SKIDA1: variants seen among roughly 807,000 people sequenced by gnomAD.
SKIDA1 encodes the protein SKI/DACH domain-containing protein 1.
SKIDA1 carries 18 observed loss-of-function variants against 51.4 expected under a neutral mutation model. The ratio of observed to expected loss-of-function variants is 0.35; its 90% CI spans 0.24 to 0.52. The LOEUF is 0.52. SKIDA1 is among the 20% of genes least tolerant of loss of function. The pLI is 0.95. For synonymous variants in SKIDA1, 579 were observed against 500.5 expected (o/e 1.16, Z -2.09); for missense variants, 1,104 against 1,180.6 (o/e 0.94, Z 0.95).
rs2032097306 is a variant in SKIDA1 at position 21,513,576 on chromosome 10, A to T, written c.*1520T>A. On this transcript the variant is annotated 3_prime_UTR_variant, in exon 4 of 4. Coordinates refer to ENST00000449193, the MANE Select transcript of SKIDA1 (RefSeq NM_207371.4). ...TTTACTGCTTCCATCATCACAACAC[A>T]GTACACCAGCATGGCCCTTACCCAG... 6.6e-6 allele frequency: 1 copy of T among 152,658 alleles called. No individual in the cohort carries two copies. Among genetic ancestry groups the T allele is most frequent in the Non-Finnish European group, 1.5e-5 (1 of 68,044 alleles). 9.5% of individuals were successfully genotyped at this position (152,658 alleles called of 1,614,324 possible).
In SKIDA1 at chr10:21,515,719, G is replaced by C; in HGVS notation, c.2104C>G (p.Leu702Val). The change falls in exon 4 of 4, where the codon CTT (leucine) becomes GTT (valine). Residue 702 changes from leucine to valine, a missense_variant. Leu to Val is a conservative substitution (Grantham distance 32). Transcript: ENST00000449193. ...TCGCACTTTAGCTTATTTGTAAAAA[G>C]GTGAGGTTCATATTCTTCATTAGCA... ...SSANEEYEPH[L>V]FTNKLKCECN... 6.2e-7 allele frequency: 1 copy of C among 1,613,976 alleles called. No individual in the cohort carries two copies. Among genetic ancestry groups the C allele is most frequent in the Non-Finnish European group, 8.5e-7 (1 of 1,179,894 alleles).
intron 1 of SKIDA1, among the ~76,000 whole-genome samples, chr10:21,525,201 C>G (rs2032656842): frequency 1.3e-5 from 2 of 151,904 alleles, no homozygotes; most frequent in Non-Finnish European, 2.9e-5. Flanking sequence ...CTATTTAGGT[C>G]GAAAAATGAT....
Position 21,515,705 on chromosome 10 carries a change from C to T in SKIDA1, c.2118G>A (p.Lys706=). ...TTGTATCATTGCACTCGCACTTTAG[C>T]TTATTTGTAAAAAGGTGAGGTTCAT... The part of the protein sequence containing the change: ...EEYEPHLFTN[K]LKCECNDTKG... The change falls in exon 4 of 4, where the codon AAG becomes AAA. Residue 706 remains lysine, a synonymous_variant. Transcript: ENST00000449193. The T allele has an allele frequency of 9.3e-6, 15 of 1,614,040 alleles. No homozygotes were observed. Among genetic ancestry groups the T allele is most frequent in the Non-Finnish European group, 1.2e-5 (14 of 1,179,896 alleles).
chr10:21,525,397 G>A (rs1394824614), intron 1 of SKIDA1, 150 bp downstream of exon 1: 1 of 152,232 alleles, frequency 6.6e-6, no homozygotes, highest in African/African-American at 2.4e-5. Context: ...GGCTGAATAA[G>A]TGACCAAGTG....
At chr10:21,522,269 C>T (rs112632384) in intron 2 of SKIDA1, among the ~76,000 whole-genome samples, 2 of 9,718 alleles carry the variant, frequency 2.1e-4, no homozygotes, top group Non-Finnish European at 5.6e-4. Flanking sequence ...CACAGCCACC[C>T]CCCCCCCCCC....
intron 2 of SKIDA1, among the ~76,000 whole-genome samples, chr10:21,522,373 T>G (rs1057063767): frequency 7.1e-6 from 1 of 140,794 alleles, no homozygotes. Flanking sequence ...CAGAAAAGAG[T>G]AAGGAACATC....
rs765598465 is a variant in SKIDA1 at position 21,516,302 on chromosome 10, G to A, written c.1521C>T (p.Asp507=). The A allele has an allele frequency of 6.2e-7, 1 of 1,613,722 alleles. No individual in the cohort carries two copies. The highest frequency in any genetic ancestry group is 8.5e-7 in the Non-Finnish European group (1 of 1,179,912). The change falls in exon 4 of 4, where the codon GAC becomes GAT. Residue 507 remains aspartate (D), a synonymous_variant. Coordinates refer to ENST00000449193, the MANE Select transcript of SKIDA1 (RefSeq NM_207371.4). The surrounding 1 kb of genome is among the most constrained non-coding windows in gnomAD (Gnocchi z 5.7). ...ACTCCGCTTTGACACTACTCTTGAG[G>A]TCGGGAAGTCTGCCGGCATCCTCGA... ...AAFEDAGRLP[D]LKSSVKAESP... is the part of the protein sequence containing the mutation.
At chr10:21,521,919 T>C (rs1261837656) in intron 2 of SKIDA1, among the ~76,000 whole-genome samples, 1 of 152,256 alleles carries the variant, frequency 6.6e-6, no homozygotes, top group Non-Finnish European at 1.5e-5. Flanking sequence ...ACTTATCCCA[T>C]ATGAATGTGC....
chr10:21,523,308 C>T (rs992709802), intron 2 of SKIDA1, among the ~76,000 whole-genome samples: 4 of 152,186 alleles, frequency 2.6e-5, no homozygotes, highest in African/African-American at 7.2e-5. Flanking sequence ...GTTTAAAGGA[C>T]ACCATAATTA....
rs980141562 is a variant in SKIDA1, at chr10:21,517,038, C to G, written c.785G>C (p.Gly262Ala). 5.8e-6 allele frequency: 6 copies of G among 1,026,222 alleles called. No homozygotes were observed. In the Admixed American group the frequency reaches 1.8e-4, roughly 30 times the overall value. The allele number at this position is 1,026,222 out of a possible 1,614,324, so 63.6% of individuals were successfully genotyped here. Residue 262 changes from glycine to alanine, a missense_variant, in exon 4 of 4, where the codon GGA (glycine) becomes GCA (alanine). By Grantham distance (60) the Gly-to-Ala change is moderately conservative. Transcript: ENST00000449193. The surrounding 1 kb of genome is among the most constrained non-coding windows in gnomAD (Gnocchi z 6.9). Reference protein sequence around the residue: ...GPQPKAAAGAGGPGSLSYRCK... With the variant: ...GPQPKAAAGAAGPGSLSYRCK... ...GCGGTAGCTCAGGCTCCCCGGGCCT[C>G]CGGCGCCCGCCGCTGCCTTGGGCTG... is the stretch of plus-strand genomic sequence containing the variant.
rs1400073347 is a variant in SKIDA1 at position 21,516,652 on chromosome 10, G to T, written c.1171C>A (p.His391Asn). Residue 391 changes from histidine (H) to asparagine (N), a missense_variant, in exon 4 of 4, where the codon CAC becomes AAC. Physicochemically the swap from His to Asn is moderately conservative, Grantham distance 68. This residue lies in a region of SKIDA1 where 938 missense variants were observed against 886.4 expected (regional missense o/e 1.06). Coordinates refer to ENST00000449193, the MANE Select transcript of SKIDA1 (RefSeq NM_207371.4). The surrounding 1 kb of genome is among the most constrained non-coding windows in gnomAD (Gnocchi z 5.7). Reference sequence around the variant, plus strand: ...CCAAAATCCGAGTCGTTGGCCGCGTGGTCCGAGTAGGAGCTGGACTCGGAG... The same window carrying T: ...CCAAAATCCGAGTCGTTGGCCGCGTTGTCCGAGTAGGAGCTGGACTCGGAG... ...SDSESSSYSD[H>N]AANDSDFGSS... 8 of 1,551,622 alleles carry T rather than the reference G, an allele frequency of 5.2e-6. No homozygotes were observed. Among genetic ancestry groups the T allele is most frequent in the Admixed American group, 3.9e-5 (2 of 50,980 alleles).
rs1261995853 is a variant in SKIDA1, at chr10:21,517,101, G to A, written c.722C>T (p.Ala241Val). 3.8e-5 allele frequency: 38 copies of A among 1,002,504 alleles called. No homozygotes were observed. Among genetic ancestry groups the A allele is most frequent in the South Asian group, 4.5e-5 (1 of 22,180 alleles). The allele number at this position is 1,002,504 out of a possible 1,614,324, so 62.1% of individuals were successfully genotyped here. ...AAAAAAAAAA[A>V]AAAYYQVSAA... ...CGATACCTGGTAATAGGCGGCGGCGGCGGCGGCGGCGGCGGCGGCAGCAGC... is the reference window on the plus strand; with the variant it reads ...CGATACCTGGTAATAGGCGGCGGCGACGGCGGCGGCGGCGGCGGCAGCAGC... The change falls in exon 4 of 4, where the codon GCC becomes GTC. Residue 241 changes from alanine (A) to valine (V), a missense_variant. This residue lies in a region of SKIDA1 where 938 missense variants were observed against 886.4 expected (regional missense o/e 1.06). Coordinates refer to ENST00000449193, the MANE Select transcript of SKIDA1 (RefSeq NM_207371.4). The surrounding 1 kb of genome is among the most constrained non-coding windows in gnomAD (Gnocchi z 6.9).
intron 2 of SKIDA1, among the ~76,000 whole-genome samples, chr10:21,523,172 G>T (rs2032471399): frequency 6.6e-6 from 1 of 151,668 alleles, no homozygotes; most frequent in African/African-American, 2.4e-5. Flanking sequence ...CATCTCAAGG[G>T]CTGTGGGGGA....
In SKIDA1 at chr10:21,518,590, A is replaced by AT. The variant is rs1252207788; in HGVS notation, c.-769dup. 1.2e-5 allele frequency: 2 copies of AT among 166,438 alleles called. No homozygotes were observed. Among genetic ancestry groups the AT allele is most frequent in the African/African-American group, 4.8e-5 (2 of 41,276 alleles). 10.3% of individuals were successfully genotyped at this position (166,438 alleles called of 1,614,324 possible). ...ATTCGCCTTTAAAGAAATACTGCCT[A>AT]TTTTTTTCGTTTATTTGCATTTTAC... On this transcript the variant is annotated 5_prime_UTR_variant, in exon 4 of 4. The change creates a premature stop within an existing upstream ORF in the 5' untranslated region. Transcript: ENST00000449193.
At position 21,517,221 on chromosome 10, in the gene SKIDA1, TG is replaced by T; in HGVS notation, c.601del (p.Gln201ArgfsTer67). On this transcript the variant is annotated frameshift_variant, in exon 4 of 4. Coordinates refer to ENST00000449193, the MANE Select transcript of SKIDA1 (RefSeq NM_207371.4). LOFTEE classifies it high-confidence loss of function. The surrounding 1 kb of genome is among the most constrained non-coding windows in gnomAD (Gnocchi z 6.9). ...CGAGGGGAAGGCGACGTAGTTTCCCTGGAGCGGGGCAGTTTCATAGTTTAGA... is the reference window on the plus strand; with the variant it reads ...CGAGGGGAAGGCGACGTAGTTTCCCTGAGCGGGGCAGTTTCATAGTTTAGA... Reference protein sequence around the residue: ...PPLNYETAPLQGNYVAFPSDP... With the variant: ...PPLNYETAPLXGNYVAFPSDP... The T allele has an allele frequency of 6.9e-7, 1 of 1,458,802 alleles. No individual in the cohort carries two copies. Among genetic ancestry groups the T allele is most frequent in the Non-Finnish European group, 9.1e-7 (1 of 1,100,214 alleles). The allele number at this position is 1,458,802 out of a possible 1,614,324, so 90.4% of individuals were successfully genotyped here.
chr10:21,522,523 A>G (rs1385439554), intron 2 of SKIDA1, among the ~76,000 whole-genome samples: 1 of 152,220 alleles, frequency 6.6e-6, no homozygotes, highest in Non-Finnish European at 1.5e-5. Flanking sequence ...AGTTGAGGAT[A>G]TAAGACAATA....
chr10:21,516,357 G>A lies in SKIDA1; in HGVS notation c.1466C>T (p.Ser489Phe). Residue 489 changes from serine (S) to phenylalanine (F), a missense_variant, in exon 4 of 4, where the codon TCC becomes TTC. By Grantham distance (155) the Ser-to-Phe change is radical (BLOSUM62 -2). This residue lies in a region of SKIDA1 where 938 missense variants were observed against 886.4 expected (regional missense o/e 1.06). Coordinates refer to ENST00000449193, the MANE Select transcript of SKIDA1 (RefSeq NM_207371.4). This position sits in a 1 kb window ranked among gnomAD's most constrained non-coding sequence, Gnocchi z 5.7. ...AGCGGGTTTGGTTGCAGCGGCGGCG[G>A]AGGCCAGATGGTACAAGAAGTTGGC... is the stretch of plus-strand genomic sequence containing the variant. ...AQANFLYHLA[S>F]AAAATKPAAF... 8 of 1,613,440 alleles carry A rather than the reference G, an allele frequency of 5.0e-6. No homozygotes were observed. Among genetic ancestry groups the A allele is most frequent in the South Asian group, 1.1e-5 (1 of 91,086 alleles).
chr10:21,516,890 TGCCGCCGCCGCCGCCGCCGCCGCC>T lies in SKIDA1; in HGVS notation c.909_932del (p.Ala311_Ala318del). On this transcript the variant is annotated inframe_deletion, in exon 4 of 4. Coordinates refer to ENST00000449193, the MANE Select transcript of SKIDA1 (RefSeq NM_207371.4). This position sits in a 1 kb window ranked among gnomAD's most constrained non-coding sequence, Gnocchi z 5.7. The stretch of plus-strand genomic sequence containing the variant: ...CCCCCGCGGCGGCCGCCGCCGCCGC[TGCCGCCGCCGCCGCCGCCGCCGCC>T]GCCTTGGCTTTGTAGGACCTGGGCA... 1 of 1,195,488 alleles carries T rather than the reference TGCCGCCGCCGCCGCCGCCGCCGCC, an allele frequency of 8.4e-7. No individual in the cohort carries two copies. The allele number at this position is 1,195,488 out of a possible 1,614,324, so 74.1% of individuals were successfully genotyped here.
chr10:21,515,551 A>G lies in SKIDA1; in HGVS notation c.2272T>C (p.Ser758Pro). Residue 758 changes from serine (S) to proline (P), a missense_variant, in exon 4 of 4, where the codon TCA becomes CCA. Physicochemically the swap from Ser to Pro is moderately conservative, Grantham distance 74 (BLOSUM62 -1). Around this residue, in one of 3 missense-constraint regions of SKIDA1, gnomAD observed 938 missense variants for 886.4 expected, o/e 1.06. Coordinates refer to ENST00000449193, the MANE Select transcript of SKIDA1 (RefSeq NM_207371.4). ...LNPLAQSQGL[S>P]CTLGSPKPED... The stretch of plus-strand genomic sequence containing the variant: ...GGTTTTGGAGAACCTAAAGTGCATG[A>G]AAGGCCCTGACTTTGAGCCAGTGGA... 1 of 1,614,026 alleles carries G rather than the reference A, an allele frequency of 6.2e-7. No homozygotes were observed. The highest frequency in any genetic ancestry group is 8.5e-7 in the Non-Finnish European group (1 of 1,179,892).
Sources: allele counts gnomAD v4.1 joint callset (sites outside exome capture counted in the v4.1 genomes callset), GRCh38; gene constraint gnomAD v4.1.1; regional missense constraint gnomAD v4.1.1; non-coding constraint Gnocchi (gnomAD v3.1); transcripts MANE v1.5; gene names NCBI Gene and HGNC (gene_info 2026-07-23, HGNC 2026-07-21).